The following TG variants were observed in gnomAD, a reference collection of about 807,000 sequenced individuals.
The protein encoded by TG is thyroglobulin.
TG carries 270 observed loss-of-function variants against 324.7 expected under a neutral mutation model. That is an observed-to-expected ratio of 0.83 (90% CI 0.75 to 0.92). The LOEUF (loss-of-function observed/expected upper bound fraction) is 0.92, where lower values mean the gene tolerates loss of function less well. Ranked by LOEUF, TG falls within the 40% of genes least tolerant of loss-of-function variation. The pLI is 0.00. For missense variants in TG, 3,591 were observed against 3,456.4 expected (o/e 1.04, Z -0.98); for synonymous variants, 1,401 against 1,327.0 (o/e 1.06, Z -1.21).
intron 40 of TG, among the ~76,000 whole-genome samples, chr8:133,024,188 A>C (rs1347760650): frequency 1.3e-5 from 2 of 152,242 alleles, no homozygotes; most frequent in Non-Finnish European, 2.9e-5. Flanking sequence ...TTGGTGGAAC[A>C]ACAAGAAATA....
In TG at chr8:132,933,549, T is replaced by C. The variant is rs757770281; in HGVS notation, c.4817-12T>C. ...GAAAGCCAGGTGAGTGACCGTCCCA[T>C]GGTGCTTGCAGATTGCACAGAGGAC... On this transcript the variant is annotated splice_polypyrimidine_tract_variant and intron_variant, in intron 23 of 47. Coordinates refer to ENST00000220616, the MANE Select transcript of TG (RefSeq NM_003235.5). The C allele has an allele frequency of 3.7e-6, 6 of 1,613,500 alleles. No homozygotes were observed. The highest frequency in any genetic ancestry group is 5.1e-6 in the Non-Finnish European group (6 of 1,179,694).
intron 4 of TG, 54 bp downstream of exon 4, chr8:132,871,605 C>G (rs967771838): frequency 7.0e-6 from 11 of 1,565,086 alleles, no homozygotes; most frequent in Non-Finnish European, 8.7e-6. Context: ...CTGAAGCTTT[C>G]CTCACTGCGA....
intron 46 of TG, among the ~76,000 whole-genome samples, chr8:133,132,539 G>T (rs1007799944): frequency 1.3e-5 from 2 of 152,132 alleles, no homozygotes; most frequent in Non-Finnish European, 2.9e-5. Context: ...CTGCAGAATT[G>T]GTTCCTGCTC....
chr8:132,893,486 G>GGT (rs1327926375), intron 10 of TG, among the ~76,000 whole-genome samples: 1 of 128,420 alleles, frequency 7.8e-6, no homozygotes, highest in South Asian at 2.7e-4. Flanking sequence ...TGTGTGGTGT[G>GGT]GTGTGTGTGT....
intron 41 of TG, chr8:133,049,970 T>G: frequency 1.2e-6 from 2 of 1,613,098 alleles, no homozygotes; most frequent in Non-Finnish European, 1.7e-6. Context: ...GAGAAATAGC[T>G]TTCCACCAGC....
chr8:132,890,293 A>G (rs536159922), intron 10 of TG, among the ~76,000 whole-genome samples: 81 of 152,226 alleles, frequency 5.3e-4, no homozygotes, highest in Admixed American at 1.0e-3. Context: ...AAAAATCTTC[A>G]TGTAGTGTAT....
Position 132,913,383 on chromosome 8 carries a change from G to A in TG, c.4378+118G>A, listed in dbSNP as rs948144947. 3.7e-6 allele frequency: 4 copies of A among 1,077,982 alleles called. No homozygotes were observed. The African/African-American group carries it at 6.3e-5, about 17-fold the overall frequency. The allele number at this position is 1,077,982 out of a possible 1,614,324, so 66.8% of individuals were successfully genotyped here. A position where few individuals can be genotyped will look rare whatever the true frequency, so the allele number is the denominator to read the frequency against. ...TCCAGGGCTGAGAACCATCCATTTAGTTAACGAGCAAAAGTTTTCAATCAT... is the reference window on the plus strand; with the variant it reads ...TCCAGGGCTGAGAACCATCCATTTAATTAACGAGCAAAAGTTTTCAATCAT... On this transcript the variant is annotated intron_variant, in intron 20 of 47. Coordinates refer to ENST00000220616, the MANE Select transcript of TG (RefSeq NM_003235.5).
chr8:132,914,658 G>A (rs1820030332), intron 20 of TG, among the ~76,000 whole-genome samples: 1 of 152,236 alleles, frequency 6.6e-6, no homozygotes, highest in Non-Finnish European at 1.5e-5. Flanking sequence ...CTGGGGTGGG[G>A]CTGACACACA....
intron 43 of TG, among the ~76,000 whole-genome samples, chr8:133,108,374 G>T (rs1054465499): frequency 4.6e-5 from 7 of 152,068 alleles, no homozygotes; most frequent in Non-Finnish European, 7.4e-5. Context: ...CTCTGCTCAG[G>T]CCTCTCTCTC....
intron 44 of TG, 149 bp downstream of exon 44, chr8:133,113,752 A>C: frequency 1.1e-6 from 1 of 943,132 alleles, no homozygotes; most frequent in Non-Finnish European, 1.6e-6. Context: ...CAGCATGGGG[A>C]GTGTCCCTGC....
chr8:132,936,709 G>C (rs541926859), intron 25 of TG, among the ~76,000 whole-genome samples: 1 of 152,154 alleles, frequency 6.6e-6, no homozygotes, highest in African/African-American at 2.4e-5. Flanking sequence ...GTCTGCGCTC[G>C]CTCTTCTGCC....
chr8:133,067,635 G>A (rs1843213555), intron 41 of TG, among the ~76,000 whole-genome samples: 1 of 152,056 alleles, frequency 6.6e-6, no homozygotes, highest in Non-Finnish European at 1.5e-5. Flanking sequence ...AATTAGCTGG[G>A]TGTGGTGGCA....
intron 35 of TG, among the ~76,000 whole-genome samples, chr8:132,991,678 T>C (rs28547062): frequency 0.17 from 25,210 of 152,084 alleles, 2,603 homozygotes; most frequent in Middle Eastern, 0.32. Flanking sequence ...TTCCTCACTT[T>C]GGTTGAGAGT....
intron 35 of TG, among the ~76,000 whole-genome samples, chr8:132,988,374 T>A (rs1301797851): frequency 6.6e-6 from 1 of 152,128 alleles, no homozygotes; most frequent in African/African-American, 2.4e-5. Flanking sequence ...TCAGCAAGGC[T>A]CAGGCAGGAC....
intron 32 of TG, among the ~76,000 whole-genome samples, chr8:132,970,577 G>A (rs1325784557): frequency 6.6e-6 from 1 of 152,150 alleles, no homozygotes; most frequent in Non-Finnish European, 1.5e-5. Flanking sequence ...TCATGTTGCT[G>A]GTGCTTAAGA....
At position 132,935,831 on chromosome 8, in the gene TG, G is replaced by C; in HGVS notation, c.5008G>C (p.Gly1670Arg). 1 of 1,612,672 alleles carries C rather than the reference G, an allele frequency of 6.2e-7. No individual in the cohort carries two copies. The highest frequency in any genetic ancestry group is 2.2e-5 in the East Asian group (1 of 44,858). The part of the protein sequence containing the change: ...LRCQVKVRSH[G>R]QDSPAVYLKK... ...CTGCCAGGTGAAAGTGAGGAGCCAT[G>C]GTCAAGATTCTCCAGCTGTGTATTT... The change falls in exon 25 of 48, where the codon GGT becomes CGT. Residue 1670 changes from glycine to arginine, a missense_variant. Physicochemically the swap from Gly to Arg is moderately radical, Grantham distance 125. Transcript: ENST00000220616.
chr8:133,080,150 A>T (rs1043178327), intron 41 of TG, among the ~76,000 whole-genome samples: 3 of 152,176 alleles, frequency 2.0e-5, no homozygotes, highest in Non-Finnish European at 4.4e-5. Flanking sequence ...CTGGCATGAA[A>T]ATCAAGAGGA....
chr8:132,947,213 G>A (rs1825449013), intron 26 of TG, among the ~76,000 whole-genome samples: 1 of 152,200 alleles, frequency 6.6e-6, no homozygotes, highest in Non-Finnish European at 1.5e-5. Flanking sequence ...AACTAGGTCA[G>A]TGATTCTCCA....
At chr8:132,925,936 T>A (rs1821807397) in intron 22 of TG, among the ~76,000 whole-genome samples, 1 of 152,262 alleles carries the variant, frequency 6.6e-6, no homozygotes, top group Admixed American at 6.5e-5. Context: ...ACAACTTTGA[T>A]GATGCCTCCC....
Sources: gnomAD v4.1 joint callset for allele counts (sites outside exome capture counted in the v4.1 genomes callset) on GRCh38, gnomAD v4.1.1 for gene constraint, MANE v1.5 for transcripts, NCBI Gene and HGNC (gene_info 2026-07-23, HGNC 2026-07-21) for gene names.